Variants in ZBBX observed in about 807,000 individuals in gnomAD.
The protein encoded by ZBBX is zinc finger B-box domain-containing protein 1.
ZBBX carries 101 observed loss-of-function variants against 108.5 expected under a neutral mutation model. That is an observed-to-expected ratio of 0.93 (90% CI 0.79 to 1.10). ZBBX has a LOEUF of 1.10. Among genes scored for constraint, ZBBX ranks in the 50% least tolerant of loss-of-function variants. ZBBX has a pLI of 0.00. For missense variants in ZBBX, 1,009 were observed against 941.4 expected (o/e 1.07, Z -0.94); for synonymous variants, 356 against 323.4 (o/e 1.10, Z -1.08).
intron 10 of ZBBX, among the ~76,000 whole-genome samples, chr3:167,329,722 G>A (rs1738081598): frequency 6.6e-6 from 1 of 152,150 alleles, no homozygotes; most frequent in Non-Finnish European, 1.5e-5. Flanking sequence ...GTAGCAAAAA[G>A]TAAAGAATGA....
In ZBBX at chr3:167,262,407, C is replaced by T. The variant is rs180866078; in HGVS notation, c.2255-19764G>A. 2.0e-4 allele frequency among the ~76,000 whole-genome samples: 31 copies of T among 152,316 alleles called. No homozygotes were observed. In the East Asian group the frequency reaches 3.3e-3, roughly 16 times the overall value. ...GCCATAATCTCCCGCATTCTCTAAC[C>T]GTTTTTGTTGGAACACTTTCAATAG... On this transcript the variant is annotated intron_variant, in intron 20 of 21. Transcript: ENST00000675490.
intron 2 of ZBBX, among the ~76,000 whole-genome samples, chr3:167,378,818 G>T (rs1295532927): frequency 6.6e-6 from 1 of 152,140 alleles, no homozygotes; most frequent in Non-Finnish European, 1.5e-5. Flanking sequence ...TGCTCAATTC[G>T]AAGGCTGCCT....
At chr3:167,364,561 T>G (rs983087590) in intron 6 of ZBBX, among the ~76,000 whole-genome samples, 1 of 152,010 alleles carries the variant, frequency 6.6e-6, no homozygotes, top group East Asian at 1.9e-4. Context: ...TTATTTAGTT[T>G]TTTTTTATAT....
chr3:167,235,931 C>T (rs983499189), downstream of ZBBX, among the ~76,000 whole-genome samples: 7 of 151,558 alleles, frequency 4.6e-5, no homozygotes, highest in Admixed American at 3.3e-4. Context: ...CACAGATGAA[C>T]TCTGAGGAAA....
At chr3:167,260,272 C>T (rs190434067) in intron 20 of ZBBX, among the ~76,000 whole-genome samples, 1 of 152,230 alleles carries the variant, frequency 6.6e-6, no homozygotes, top group Non-Finnish European at 1.5e-5. Context: ...AGATTCTTCC[C>T]TTTGTCTCAA....
At chr3:167,372,588 G>A (rs1746323238) in intron 4 of ZBBX, among the ~76,000 whole-genome samples, 2 of 152,078 alleles carry the variant, frequency 1.3e-5, no homozygotes, top group Non-Finnish European at 2.9e-5. Context: ...TTAACATTCT[G>A]TTGTATTACT....
chr3:167,311,049 C>G (rs1297995844), intron 16 of ZBBX, among the ~76,000 whole-genome samples: 1 of 152,112 alleles, frequency 6.6e-6, no homozygotes, highest in African/African-American at 2.4e-5. Flanking sequence ...TACCTTACAT[C>G]AAGATTACTA....
intron 1 of ZBBX, among the ~76,000 whole-genome samples, chr3:167,395,482 C>T (rs1748206334): frequency 6.6e-6 from 1 of 150,828 alleles, no homozygotes; most frequent in Admixed American, 6.6e-5. Context: ...ATTCTGAGAT[C>T]TGAAGTGGAA....
rs534432574 is a variant in ZBBX at position 167,359,639 on chromosome 3, C to T, written c.432+231G>A. On this transcript the variant is annotated intron_variant, in intron 8 of 21. Transcript: ENST00000675490. ...CAAAGGAGCGGAGACAAGGTCTAAG[C>T]TGATGTCTTTAAACAAGAATGAGAA... is the stretch of plus-strand genomic sequence containing the variant. Among the ~76,000 whole-genome samples the T allele has an allele frequency of 1.1e-4, 16 of 152,148 alleles. No individual in the cohort carries two copies. In the South Asian group the frequency reaches 3.1e-3, roughly 30 times the overall value.
intron 16 of ZBBX, among the ~76,000 whole-genome samples, chr3:167,308,969 T>C (rs1172008791): frequency 6.6e-6 from 1 of 152,104 alleles, no homozygotes; most frequent in East Asian, 1.9e-4. Flanking sequence ...AAGGCATGCC[T>C]ACCAGTGACA....
intron 18 of ZBBX, among the ~76,000 whole-genome samples, chr3:167,296,168 T>A (rs1162106568): frequency 1.3e-5 from 2 of 151,964 alleles, no homozygotes; most frequent in Admixed American, 6.6e-5. Flanking sequence ...TCATCTCAAT[T>A]TATGCAGAAA....
chr3:167,218,504 A>C, the ZBBX span, among the ~76,000 whole-genome samples: 1 of 152,114 alleles, frequency 6.6e-6, no homozygotes, highest in Non-Finnish European at 1.5e-5. Context: ...TAAAGTTTTT[A>C]CTGGTTTTCT....
chr3:167,329,552 G>A (rs1451102316), intron 10 of ZBBX, among the ~76,000 whole-genome samples: 1 of 152,132 alleles, frequency 6.6e-6, no homozygotes, highest in East Asian at 1.9e-4. Context: ...GTAAAACTCA[G>A]GGGAAATGAT....
In ZBBX at chr3:167,314,033, C is replaced by G; in HGVS notation, c.1358G>C (p.Arg453Thr). ...HQHHVFDKGK[R>T]DFLNLCLRNS... Reference sequence around the variant, plus strand: ...TCTCAGACAAAGATTTAAGAAGTCTCTCTTTCCCTTATCGAAAACATGATG... The same window carrying G: ...TCTCAGACAAAGATTTAAGAAGTCTGTCTTTCCCTTATCGAAAACATGATG... Residue 453 changes from arginine to threonine, a missense_variant, in exon 16 of 22, where the codon AGA becomes ACA. Coordinates refer to ENST00000675490, the MANE Select transcript of ZBBX (RefSeq NM_001199201.2). 1 of 1,607,762 alleles carries G rather than the reference C, an allele frequency of 6.2e-7. No individual in the cohort carries two copies. The highest frequency in any genetic ancestry group is 1.1e-5 in the South Asian group (1 of 89,818).
rs201866825 is a variant in ZBBX, at chr3:167,327,908, T to C, written c.862+34A>G. On this transcript the variant is annotated intron_variant, in intron 11 of 21. Coordinates refer to ENST00000675490, the MANE Select transcript of ZBBX (RefSeq NM_001199201.2). Reference sequence around the variant, plus strand: ...CAGCCTGGGCAACAAAGTGAGACTCTGTCTCAAAAAAAAAAAAAAAAAAAA... The same window carrying C: ...CAGCCTGGGCAACAAAGTGAGACTCCGTCTCAAAAAAAAAAAAAAAAAAAA... 5.3e-4 allele frequency: 725 copies of C among 1,377,544 alleles called. 2 individuals are homozygous for C. The African/African-American group carries it at 0.012, about 24-fold the overall frequency. 85.3% of individuals were successfully genotyped at this position (1,377,544 alleles called of 1,614,324 possible).
chr3:167,377,745 A>T (rs1747189842), intron 2 of ZBBX, among the ~76,000 whole-genome samples: 1 of 152,132 alleles, frequency 6.6e-6, no homozygotes, highest in Admixed American at 6.5e-5. Context: ...CTAGAATAGT[A>T]TCTTGTGCTG....
downstream of ZBBX, among the ~76,000 whole-genome samples, chr3:167,239,663 C>G (rs1179787463): frequency 6.6e-6 from 1 of 151,978 alleles, no homozygotes; most frequent in African/African-American, 2.4e-5. Flanking sequence ...GACTTCCAGT[C>G]AACCATAGGC....
chr3:167,297,880 C>A (rs944844563), intron 18 of ZBBX, among the ~76,000 whole-genome samples: 8 of 151,804 alleles, frequency 5.3e-5, no homozygotes, highest in African/African-American at 1.9e-4. Context: ...CCCGACCCCA[C>A]CAAAAAAATA....
intron 1 of ZBBX, among the ~76,000 whole-genome samples, chr3:167,405,309 T>A (rs1748548868): frequency 6.6e-6 from 1 of 152,058 alleles, no homozygotes; most frequent in African/African-American, 2.4e-5. Context: ...GCAGAACCCT[T>A]GACCTCTGAC....
Sources: gnomAD v4.1 joint callset for allele counts (sites outside exome capture counted in the v4.1 genomes callset) on GRCh38, gnomAD v4.1.1 for gene constraint, MANE v1.5 for transcripts, NCBI Gene and HGNC (gene_info 2026-07-23, HGNC 2026-07-21) for gene names.